Variants in PTN observed in about 807,000 individuals in gnomAD.
PTN encodes the protein pleiotrophin.
In PTN, 18 loss-of-function variants were observed where a neutral mutation model predicts 24.1. The ratio of observed to expected loss-of-function variants is 0.75; its 90% confidence interval spans 0.52 to 1.11. PTN has a LOEUF of 1.11. PTN is among the 50% of genes least tolerant of loss of function. The pLI is 0.00. For synonymous variants in PTN, 78 were observed against 68.6 expected (o/e 1.14, Z -0.67); for missense variants, 163 against 198.8 (o/e 0.82, Z 1.08).
chr7:137,320,783 G>A (rs1305398794), intron 1 of PTN, among the ~76,000 whole-genome samples: 1 of 152,048 alleles, frequency 6.6e-6, no homozygotes, highest in African/African-American at 2.4e-5. Flanking sequence ...ATTCCTAACA[G>A]CAGTTGCCTT....
At chr7:137,267,214 CTCTT>C (rs923258387) in intron 1 of PTN, among the ~76,000 whole-genome samples, 1 of 152,088 alleles carries the variant, frequency 6.6e-6, no homozygotes, top group Non-Finnish European at 1.5e-5. Context: ...GTCTCTTCCT[CTCTT>C]TCTGCCTCTA....
intron 1 of PTN, among the ~76,000 whole-genome samples, chr7:137,257,506 T>C (rs1286241872): frequency 6.6e-6 from 1 of 152,238 alleles, no homozygotes; most frequent in East Asian, 1.9e-4. Context: ...AGTGCTACTA[T>C]ATCTTTCATA....
chr7:137,253,387 T>A, intron 3 of PTN, 77 bp downstream of exon 3: 2 of 1,409,968 alleles, frequency 1.4e-6, no homozygotes, highest in Non-Finnish European at 9.6e-7. Context: ...AAAGTACTTA[T>A]CCTTAAAAAG....
chr7:137,241,811 A>G (rs951769164), intron 4 of PTN, among the ~76,000 whole-genome samples: 1 of 152,190 alleles, frequency 6.6e-6, no homozygotes, highest in Admixed American at 6.5e-5. Flanking sequence ...ATCAAGAGGA[A>G]CAGAATTCCC....
intron 4 of PTN, among the ~76,000 whole-genome samples, chr7:137,229,630 TTC>T: frequency 6.6e-6 from 1 of 151,806 alleles, no homozygotes; most frequent in Non-Finnish European, 1.5e-5. Flanking sequence ...GGTCAGCAGT[TTC>T]TAAACCCAGG....
At chr7:137,271,257 C>T (rs1809266937) in intron 1 of PTN, among the ~76,000 whole-genome samples, 1 of 152,070 alleles carries the variant, frequency 6.6e-6, no homozygotes, top group Admixed American at 6.6e-5. Flanking sequence ...TTTACATTTC[C>T]CAAGAAAAAT....
intron 1 of PTN, among the ~76,000 whole-genome samples, chr7:137,312,291 C>T (rs986294831): frequency 9.2e-5 from 14 of 152,130 alleles, no homozygotes; most frequent in Non-Finnish European, 1.5e-4. Flanking sequence ...TGAATCCATC[C>T]GCGATGCACA....
chr7:137,231,187 GT>G (rs1808421010), intron 4 of PTN, among the ~76,000 whole-genome samples: 1 of 151,930 alleles, frequency 6.6e-6, no homozygotes, highest in Non-Finnish European at 1.5e-5. Context: ...ACAGGGCCTT[GT>G]GTGTAAAAGC....
At chr7:137,300,015 G>A (rs1228413638) in intron 1 of PTN, among the ~76,000 whole-genome samples, 1 of 151,736 alleles carries the variant, frequency 6.6e-6, no homozygotes, top group Non-Finnish European at 1.5e-5. Context: ...CTAAGCACAT[G>A]AGGAAGAAAA....
Position 137,241,788 on chromosome 7 carries a change from G to A in PTN, c.451+9442C>T, listed in dbSNP as rs554409565. On this transcript the variant is annotated intron_variant, in intron 4 of 4. Coordinates refer to ENST00000348225, the MANE Select transcript of PTN (RefSeq NM_002825.7). Reference sequence around the variant, plus strand: ...AAACTTGAGACCCAACGGAGTACAAGTGTTTTCCTCTGATCAAGAGGAACA... The same window carrying A: ...AAACTTGAGACCCAACGGAGTACAAATGTTTTCCTCTGATCAAGAGGAACA... Among the ~76,000 whole-genome samples the A allele has an allele frequency of 2.6e-4, 40 of 152,292 alleles. 1 individual carries two copies. In the South Asian group the frequency reaches 8.1e-3, roughly 31 times the overall value.
intron 1 of PTN, among the ~76,000 whole-genome samples, chr7:137,255,849 G>T (rs576808561): frequency 2.6e-4 from 40 of 152,284 alleles, no homozygotes; most frequent in Admixed American, 9.8e-4. Context: ...CTTCCCAATG[G>T]CTACACCATA....
At chr7:137,323,548 TA>T (rs2128881594) in intron 1 of PTN, among the ~76,000 whole-genome samples, 1 of 152,304 alleles carries the variant, frequency 6.6e-6, no homozygotes, top group African/African-American at 2.4e-5. Context: ...GTTGAGTTTT[TA>T]CCCTTGGAAG....
At chr7:137,260,701 G>A (rs1809020464) in intron 1 of PTN, among the ~76,000 whole-genome samples, 1 of 152,088 alleles carries the variant, frequency 6.6e-6, no homozygotes, top group Admixed American at 6.6e-5. Context: ...CTCTTCAGCT[G>A]CAAATTGGCA....
intron 1 of PTN, among the ~76,000 whole-genome samples, chr7:137,313,081 C>CT (rs1554381214): frequency 0.35 from 52,933 of 151,674 alleles, 10,964 homozygotes; most frequent in Admixed American, 0.54. Flanking sequence ...CTCGTTCCCC[C>CT]CTCTCATTCA....
At chr7:137,324,433 A>AAAAAATATATATATAT in intron 1 of PTN, among the ~76,000 whole-genome samples, 2 of 88,762 alleles carry the variant, frequency 2.3e-5, no homozygotes, top group African/African-American at 1.4e-4. Context: ...AAAAAAAAAA[A>AAAAAATATATATATAT]ATATATATAT....
intron 4 of PTN, among the ~76,000 whole-genome samples, chr7:137,235,877 T>C (rs1465234462): frequency 6.6e-6 from 1 of 152,134 alleles, no homozygotes; most frequent in African/African-American, 2.4e-5. Context: ...TATACGTGAA[T>C]AAAAGATAGT....
chr7:137,261,701 T>C (rs2128872663), intron 1 of PTN, among the ~76,000 whole-genome samples: 1 of 152,336 alleles, frequency 6.6e-6, no homozygotes, highest in South Asian at 2.1e-4. Context: ...AGAAAAACTA[T>C]CTATTTTTAT....
intron 1 of PTN, among the ~76,000 whole-genome samples, chr7:137,297,788 G>A (rs2128878076): frequency 6.6e-6 from 1 of 152,174 alleles, no homozygotes; most frequent in East Asian, 1.9e-4. Flanking sequence ...TCAGCCTCCT[G>A]ATAGAGCAGA....
At chr7:137,243,094 G>A (rs371417948) in intron 4 of PTN, among the ~76,000 whole-genome samples, 9 of 152,202 alleles carry the variant, frequency 5.9e-5, no homozygotes, top group East Asian at 3.9e-4. Context: ...GCACCACCAC[G>A]CCCATCTAAT....
Sources: allele counts gnomAD v4.1 joint callset (sites outside exome capture counted in the v4.1 genomes callset), GRCh38; gene constraint gnomAD v4.1.1; transcripts MANE v1.5; gene names NCBI Gene and HGNC (gene_info 2026-07-23, HGNC 2026-07-21).